Variants in EXOC4 observed in about 807,000 individuals in gnomAD.
The protein encoded by EXOC4 is SEC8-like 1.
In EXOC4, 71 loss-of-function variants were observed where a neutral mutation model predicts 107.2. The observed-to-expected ratio is 0.66, with a 90% CI of 0.55 to 0.81. The LOEUF (loss-of-function observed/expected upper bound fraction) is 0.81, where lower values mean the gene tolerates loss of function less well. EXOC4 is among the 30% of genes least tolerant of loss of function. The pLI, the probability that EXOC4 is intolerant of heterozygous loss-of-function variation, is 0.00. For missense variants in EXOC4, 1,108 were observed against 1,189.6 expected, an observed-to-expected ratio of 0.93 and a Z score of 1.01; for synonymous variants, 456 against 441.2, an observed-to-expected ratio of 1.03 and a Z score of -0.42.
intron 10 of EXOC4, among the ~76,000 whole-genome samples, chr7:133,709,753 GA>G (rs1185790540): frequency 6.8e-6 from 1 of 146,448 alleles, no homozygotes; most frequent in Admixed American, 7.0e-5. Flanking sequence ...TACTACTTGT[GA>G]AACCTTGGAT....
chr7:133,498,059 C>T (rs907693989), intron 9 of EXOC4, among the ~76,000 whole-genome samples: 2 of 152,254 alleles, frequency 1.3e-5, no homozygotes, highest in Admixed American at 6.5e-5. Flanking sequence ...CCTTTCTGGG[C>T]TGTCTCATGA....
chr7:133,502,146 G>T (rs929210717), intron 9 of EXOC4, among the ~76,000 whole-genome samples: 8 of 151,778 alleles, frequency 5.3e-5, no homozygotes, highest in Admixed American at 3.3e-4. Context: ...AAGTGGGAGT[G>T]GGGGAGTGTG....
chr7:133,460,393 G>A (rs1798562766), intron 7 of EXOC4, among the ~76,000 whole-genome samples: 1 of 152,114 alleles, frequency 6.6e-6, no homozygotes, highest in Non-Finnish European at 1.5e-5. Flanking sequence ...GAACCCTTGC[G>A]CTAGAATTTT....
intron 14 of EXOC4, among the ~76,000 whole-genome samples, chr7:133,967,285 ATT>A (rs59944932): frequency 2.0e-5 from 3 of 151,164 alleles, no homozygotes; most frequent in East Asian, 1.9e-4. Flanking sequence ...GGATTCACTG[ATT>A]TTTTTTTTGA....
At chr7:133,947,757 A>G (rs563798387) in intron 14 of EXOC4, among the ~76,000 whole-genome samples, 1 of 152,370 alleles carries the variant, frequency 6.6e-6, no homozygotes, top group South Asian at 2.1e-4. Context: ...ATAAAAAATT[A>G]TGTGGCTGTT....
downstream of EXOC4, chr7:134,066,657 A>T (rs1250814783): frequency 6.6e-6 from 1 of 152,140 alleles, no homozygotes; most frequent in East Asian, 1.9e-4. Flanking sequence ...ACCTATATGC[A>T]TTTGGGACAC....
intron 7 of EXOC4, among the ~76,000 whole-genome samples, chr7:133,378,083 G>A (rs1190969550): frequency 1.3e-5 from 2 of 152,060 alleles, no homozygotes; most frequent in Non-Finnish European, 2.9e-5. Context: ...ACCCGAGGCG[G>A]GTGGATCACG....
chr7:133,941,953 A>C (rs1800441271), intron 14 of EXOC4, among the ~76,000 whole-genome samples: 1 of 152,010 alleles, frequency 6.6e-6, no homozygotes, highest in Non-Finnish European at 1.5e-5. Context: ...TGTTTGTAAG[A>C]TCCCTAAATA....
At chr7:133,322,076 T>C (rs976348261) in intron 5 of EXOC4, among the ~76,000 whole-genome samples, 1 of 152,240 alleles carries the variant, frequency 6.6e-6, no homozygotes, top group South Asian at 2.1e-4. Context: ...GTTTGTTTTT[T>C]TCTTGTACAT....
chr7:133,275,283 T>C, intron 2 of EXOC4, 112 bp downstream of exon 2: 5 of 901,586 alleles, frequency 5.5e-6, no homozygotes, highest in Non-Finnish European at 7.7e-6. Flanking sequence ...TGATTCAAAA[T>C]GCCACTTTTC....
At chr7:133,464,572 G>GTT (rs1798671645) in intron 7 of EXOC4, among the ~76,000 whole-genome samples, 1 of 152,072 alleles carries the variant, frequency 6.6e-6, no homozygotes, top group African/African-American at 2.4e-5. Flanking sequence ...AGAACTCAGA[G>GTT]TTGGTGACCT....
intron 11 of EXOC4, among the ~76,000 whole-genome samples, chr7:133,838,309 G>A (rs1797958918): frequency 6.6e-6 from 1 of 152,160 alleles, no homozygotes; most frequent in Non-Finnish European, 1.5e-5. Context: ...CTGAGTTAAA[G>A]TAGTTTTCAC....
the EXOC4 span, among the ~76,000 whole-genome samples, chr7:134,090,989 C>A: frequency 4.0e-5 from 6 of 151,696 alleles, no homozygotes; most frequent in Non-Finnish European, 7.4e-5. Flanking sequence ...CCCCACTTAC[C>A]CAAAGTCAGC....
chr7:133,323,259 G>T (rs1369198751), intron 5 of EXOC4, among the ~76,000 whole-genome samples: 3 of 152,170 alleles, frequency 2.0e-5, no homozygotes, highest in Admixed American at 6.5e-5. Flanking sequence ...TTGAATAGGA[G>T]TGGTGAGAGA....
At chr7:133,319,698 C>G (rs961847722) in intron 5 of EXOC4, among the ~76,000 whole-genome samples, 2 of 152,084 alleles carry the variant, frequency 1.3e-5, no homozygotes, top group Non-Finnish European at 2.9e-5. Flanking sequence ...CTGGGCTGGT[C>G]TCAAACTCCT....
chr7:133,612,952 A>G (rs952377173), intron 9 of EXOC4, among the ~76,000 whole-genome samples: 3 of 152,192 alleles, frequency 2.0e-5, no homozygotes, highest in African/African-American at 7.2e-5. Context: ...TAGTTGGCCC[A>G]GAACAACATG....
At chr7:133,981,015 C>T (rs1000392213) in intron 14 of EXOC4, among the ~76,000 whole-genome samples, 1 of 152,192 alleles carries the variant, frequency 6.6e-6, no homozygotes, top group Non-Finnish European at 1.5e-5. Flanking sequence ...ATTATCTTCA[C>T]CCCATGCTGA....
chr7:133,291,797 T>C (rs1794411963), intron 3 of EXOC4, among the ~76,000 whole-genome samples: 2 of 152,194 alleles, frequency 1.3e-5, no homozygotes, highest in Admixed American at 6.5e-5. Flanking sequence ...TGGTATTAAC[T>C]GAGGATCTAA....
rs961029304 is a variant in EXOC4 at position 133,843,501 on chromosome 7, T to A, written c.1734+25957T>A. Among the ~76,000 whole-genome samples, 6 of 152,312 alleles carry A rather than the reference T, an allele frequency of 3.9e-5. No individual in the cohort carries two copies. The East Asian group carries it at 1.2e-3, about 29-fold the overall frequency. On this transcript the variant is annotated intron_variant, in intron 11 of 17. Transcript: ENST00000253861. ...GTTGGTGTATAGGAATACTACTGAT[T>A]TTTGTACATTGATTTTGTATCCTGA...
Sources: allele counts gnomAD v4.1 joint callset (sites outside exome capture counted in the v4.1 genomes callset), GRCh38; gene constraint gnomAD v4.1.1; transcripts MANE v1.5; gene names NCBI Gene and HGNC (gene_info 2026-07-23, HGNC 2026-07-21).